SOS1: variants seen among roughly 807,000 people sequenced by gnomAD.
SOS1 encodes son of sevenless homolog 1.
A neutral mutation model predicts 157.6 loss-of-function variants in SOS1; 25 were observed. The observed-to-expected ratio is 0.16, with a 90% confidence interval of 0.12 to 0.22. SOS1 has a LOEUF of 0.22. SOS1 is among the 10% of genes least tolerant of loss of function. SOS1 has a pLI of 1.00. For missense variants in SOS1, 1,237 were observed against 1,599.1 expected, an observed-to-expected ratio of 0.77 and a Z score of 3.86; for synonymous variants, 528 against 534.0, an observed-to-expected ratio of 0.99 and a Z score of 0.16.
intron 6 of SOS1, among the ~76,000 whole-genome samples, chr2:39,038,531 C>T (rs1247698115): frequency 6.6e-6 from 1 of 151,344 alleles, no homozygotes; most frequent in African/African-American, 2.4e-5. Flanking sequence ...ATCAAGAGAT[C>T]GAGACCATCC....
chr2:39,014,175 A>T (rs1036274861), intron 11 of SOS1, among the ~76,000 whole-genome samples, 186 bp from the exon 12 acceptor site: 1 of 152,124 alleles, frequency 6.6e-6, no homozygotes, highest in Admixed American at 6.6e-5. Flanking sequence ...TTATTTTAAA[A>T]TTTTTAAAAG....
chr2:39,078,042 A>T lies in SOS1; in HGVS notation c.88-10289T>A, dbSNP rs187339268. 2.6e-5 allele frequency among the ~76,000 whole-genome samples: 4 copies of T among 152,334 alleles called. No homozygotes were observed. The East Asian group carries it at 7.7e-4, about 29-fold the overall frequency. On this transcript the variant is annotated intron_variant, in intron 1 of 22. Coordinates refer to ENST00000402219, the MANE Select transcript of SOS1 (RefSeq NM_005633.4). The stretch of plus-strand genomic sequence containing the variant: ...GACACATATAACCTATAAAGGAAAT[A>T]TCCAGGATAAATAATAACAAAGTTT...
intron 11 of SOS1, among the ~76,000 whole-genome samples, 154 bp from the exon 12 acceptor site, chr2:39,014,143 A>G (rs953174340): frequency 6.6e-6 from 1 of 152,164 alleles, no homozygotes. Context: ...TGAGACTCCT[A>G]TAGTATTAAA....
chr2:39,023,854 C>T (rs909491103), intron 9 of SOS1, 156 bp downstream of exon 9: 2 of 623,922 alleles, frequency 3.2e-6, no homozygotes, highest in Non-Finnish European at 2.8e-6. Context: ...CAAACAATAA[C>T]AATTCTCTTG....
chr2:39,102,859 A>G (rs963016203), intron 1 of SOS1, among the ~76,000 whole-genome samples: 1 of 152,050 alleles, frequency 6.6e-6, no homozygotes, highest in African/African-American at 2.4e-5. Context: ...GGAGGCTGAG[A>G]TGGGAAGATT....
At chr2:39,121,106 AAGG>A (rs1347101477), upstream of SOS1, 10 of 153,522 alleles carry the variant, frequency 6.5e-5, no homozygotes, top group African/African-American at 2.2e-4. Context: ...GCTCCCGGTG[AAGG>A]AGGAGGAAAG....
intron 1 of SOS1, among the ~76,000 whole-genome samples, chr2:39,108,051 C>T (rs1673271372): frequency 6.6e-6 from 1 of 152,192 alleles, no homozygotes; most frequent in Non-Finnish European, 1.5e-5. Context: ...ACGTGATCCT[C>T]TCCCAATATT....
intron 1 of SOS1, among the ~76,000 whole-genome samples, chr2:39,117,372 C>T (rs1673692936): frequency 6.6e-6 from 1 of 152,046 alleles, no homozygotes; most frequent in African/African-American, 2.4e-5. Context: ...AATACCTGGT[C>T]TATAGTAGGC....
chr2:39,115,212 C>G (rs374724062), intron 1 of SOS1, among the ~76,000 whole-genome samples: 2 of 152,076 alleles, frequency 1.3e-5, no homozygotes, highest in East Asian at 3.9e-4. Flanking sequence ...CTGAAACCAT[C>G]AGCACAATCA....
chr2:39,123,846 A>G (rs1340066084), upstream of SOS1, among the ~76,000 whole-genome samples: 1 of 152,192 alleles, frequency 6.6e-6, no homozygotes, highest in Non-Finnish European at 1.5e-5. Flanking sequence ...GTGCAGGTAA[A>G]AAGCGTACAT....
chr2:39,036,994 T>A (rs573266650), intron 6 of SOS1, among the ~76,000 whole-genome samples: 8 of 152,210 alleles, frequency 5.3e-5, no homozygotes, highest in Non-Finnish European at 1.0e-4. Context: ...TAAGAAATGA[T>A]TGAACAGTAA....
intron 6 of SOS1, among the ~76,000 whole-genome samples, chr2:39,038,769 C>G (rs1486711288): frequency 1.5e-5 from 1 of 65,384 alleles, no homozygotes; most frequent in Non-Finnish European, 3.5e-5. Context: ...GAGATGGAAC[C>G]TACTCCTGGT....
chr2:39,026,190 A>G (rs1054547503), intron 8 of SOS1, among the ~76,000 whole-genome samples: 28 of 152,172 alleles, frequency 1.8e-4, no homozygotes, highest in Middle Eastern at 3.4e-3. Flanking sequence ...CCCCGTCTCT[A>G]CTAAAAATAC....
At chr2:39,010,483 C>G in intron 15 of SOS1, 101 bp downstream of exon 15, 1 of 1,112,886 alleles carries the variant, frequency 9.0e-7, no homozygotes, top group Non-Finnish European at 1.4e-6. Flanking sequence ...GCCTATGTGA[C>G]AGAGCAAAAC....
In SOS1 at chr2:38,983,293, A is replaced by C. The variant is rs1668455612; in HGVS notation, c.*2531T>G. The C allele has an allele frequency of 1.3e-5, 2 of 152,194 alleles. No individual in the cohort carries two copies. The highest frequency in any genetic ancestry group is 4.1e-4 in the South Asian group (2 of 4,832). 9.4% of individuals were successfully genotyped at this position (152,194 alleles called of 1,614,324 possible). ...AAATTTGTCAACTAGTTAATGTTTCATATTGAGAAGAAGGCAAGGATGCCA... is the reference window on the plus strand; with the variant it reads ...AAATTTGTCAACTAGTTAATGTTTCCTATTGAGAAGAAGGCAAGGATGCCA... On this transcript the variant is annotated 3_prime_UTR_variant, in exon 23 of 23. Transcript: ENST00000402219.
chr2:39,040,122 C>T (rs1017475868), intron 6 of SOS1, among the ~76,000 whole-genome samples: 5 of 151,988 alleles, frequency 3.3e-5, no homozygotes, highest in Admixed American at 2.0e-4. Flanking sequence ...CACCATTCTC[C>T]TGCCTCAGCC....
intron 1 of SOS1, among the ~76,000 whole-genome samples, chr2:39,094,945 G>C (rs1041745853): frequency 1.3e-5 from 2 of 152,102 alleles, no homozygotes; most frequent in Admixed American, 6.5e-5. Flanking sequence ...TAGATGGAGA[G>C]AAGCTCCCAA....
At chr2:39,121,334 G>C (rs568578271), upstream of SOS1, among the ~76,000 whole-genome samples, 6 of 152,262 alleles carry the variant, frequency 3.9e-5, no homozygotes, top group Non-Finnish European at 7.4e-5. Flanking sequence ...TGGGCCCTTC[G>C]TTTCGGAAAG....
chr2:39,013,868 G>T lies in SOS1; in HGVS notation c.2062C>A (p.Arg688=), dbSNP rs186246534. Residue 688 remains arginine, a splice_region_variant and synonymous_variant, in exon 12 of 23, where the codon CGA becomes AGA. Coordinates refer to ENST00000402219, the MANE Select transcript of SOS1 (RefSeq NM_005633.4). The part of the protein sequence containing the change: ...RKEYIQPVQL[R]VLNVCRHWVE... ...TTACTTCATTTATTTAATGCTTACCGCAGTTGCACAGGCTGTATATATTCT... is the reference window on the plus strand; with the variant it reads ...TTACTTCATTTATTTAATGCTTACCTCAGTTGCACAGGCTGTATATATTCT... 15 of 1,609,394 alleles carry T rather than the reference G, an allele frequency of 9.3e-6. No individual in the cohort carries two copies. The highest frequency in any genetic ancestry group is 5.0e-5 in the Admixed American group (3 of 59,938).
Sources: gnomAD v4.1 joint callset for allele counts (sites outside exome capture counted in the v4.1 genomes callset) on GRCh38, gnomAD v4.1.1 for gene constraint, MANE v1.5 for transcripts, NCBI Gene and HGNC (gene_info 2026-07-23, HGNC 2026-07-21) for gene names.